The following KHDRBS2 variants were observed in gnomAD, a reference collection of about 807,000 sequenced individuals.
The protein encoded by KHDRBS2 is KH RNA binding domain containing, signal transduction associated 2.
KHDRBS2 carries 26 observed loss-of-function variants against 44.3 expected under a neutral mutation model. The ratio of observed to expected loss-of-function variants is 0.59; its 90% confidence interval spans 0.43 to 0.81. KHDRBS2 has a LOEUF of 0.81. Ranked by LOEUF, KHDRBS2 falls within the 40% of genes least tolerant of loss-of-function variation. KHDRBS2 has a pLI of 0.00. For missense variants in KHDRBS2, 476 were observed against 433.1 expected (o/e 1.10, Z -0.88); for synonymous variants, 194 against 151.1 (o/e 1.28, Z -2.08).
chr6:61,842,599 G>A lies in KHDRBS2; in HGVS notation c.810+52036C>T, dbSNP rs142325552. ...ATCAGATAGACAATAACAAGTGCTG[G>A]CAAGGATATGGAGTAATTGGAACCC... On this transcript the variant is annotated intron_variant, in intron 6 of 8. Coordinates refer to ENST00000281156, the MANE Select transcript of KHDRBS2 (RefSeq NM_152688.4). Among the ~76,000 whole-genome samples, 26 of 152,200 alleles carry A rather than the reference G, an allele frequency of 1.7e-4. No individual in the cohort carries two copies. In the East Asian group the frequency reaches 2.3e-3, roughly 14 times the overall value.
chr6:62,040,057 T>C (rs1330416651), intron 3 of KHDRBS2, among the ~76,000 whole-genome samples: 1 of 152,056 alleles, frequency 6.6e-6, no homozygotes, highest in Non-Finnish European at 1.5e-5. Context: ...TCATAAAACG[T>C]CTCTACCAAG....
At chr6:62,141,890 G>A (rs1812895190) in intron 2 of KHDRBS2, among the ~76,000 whole-genome samples, 1 of 152,046 alleles carries the variant, frequency 6.6e-6, no homozygotes, top group South Asian at 2.1e-4. Context: ...ATTATCTTGT[G>A]TGATTTTCCT....
At chr6:61,722,730 G>A (rs1266936164) in intron 7 of KHDRBS2, among the ~76,000 whole-genome samples, 1 of 147,518 alleles carries the variant, frequency 6.8e-6, no homozygotes, top group Non-Finnish European at 1.5e-5. Context: ...TTTTTTTTTA[G>A]ATGGAGTCTC....
intron 2 of KHDRBS2, among the ~76,000 whole-genome samples, chr6:62,099,094 T>C (rs1340388820): frequency 1.6e-4 from 24 of 152,200 alleles, no homozygotes; most frequent in Admixed American, 1.5e-3. Flanking sequence ...CTATTTTAAA[T>C]TATCCGTTTC....
At chr6:62,019,714 A>G (rs1423748177) in intron 3 of KHDRBS2, among the ~76,000 whole-genome samples, 2 of 152,092 alleles carry the variant, frequency 1.3e-5, no homozygotes, top group Non-Finnish European at 2.9e-5. Context: ...TGTAGAAGGT[A>G]CTGACATAAA....
At chr6:61,783,308 C>T (rs1783301164) in intron 6 of KHDRBS2, among the ~76,000 whole-genome samples, 1 of 152,036 alleles carries the variant, frequency 6.6e-6, no homozygotes, top group Admixed American at 6.6e-5. Context: ...CATCTTTACT[C>T]ATCCTTTAAG....
intron 6 of KHDRBS2, among the ~76,000 whole-genome samples, chr6:61,844,177 A>G (rs1225951369): frequency 1.3e-5 from 2 of 152,170 alleles, no homozygotes; most frequent in Non-Finnish European, 2.9e-5. Flanking sequence ...TCAAATTACC[A>G]TATTTCTCAA....
chr6:61,756,917 A>G (rs1377999886), intron 6 of KHDRBS2, among the ~76,000 whole-genome samples: 3 of 152,292 alleles, frequency 2.0e-5, no homozygotes, highest in African/African-American at 7.2e-5. Flanking sequence ...CTGCTTTGCT[A>G]CTACAGATTA....
At chr6:61,588,554 G>A in the KHDRBS2 span, among the ~76,000 whole-genome samples, 62 of 152,106 alleles carry the variant, frequency 4.1e-4, no homozygotes, top group Non-Finnish European at 7.1e-4. Context: ...AGGCTGAGGT[G>A]GGAGGGTTGT....
At chr6:61,549,230 T>C in the KHDRBS2 span, among the ~76,000 whole-genome samples, 12 of 152,064 alleles carry the variant, frequency 7.9e-5, no homozygotes. Context: ...AAATAACAAA[T>C]GGATCAATCT....
chr6:62,165,823 T>C (rs1818567839), intron 2 of KHDRBS2, among the ~76,000 whole-genome samples: 1 of 152,004 alleles, frequency 6.6e-6, no homozygotes, highest in Non-Finnish European at 1.5e-5. Flanking sequence ...TGCATGTCAC[T>C]ATACCTAGCC....
chr6:61,663,646 C>G, the KHDRBS2 span, among the ~76,000 whole-genome samples: 1 of 149,160 alleles, frequency 6.7e-6, no homozygotes. Context: ...TCCTTAATGG[C>G]ACGTGTATCA....
At chr6:61,567,576 G>A in the KHDRBS2 span, among the ~76,000 whole-genome samples, 35 of 152,262 alleles carry the variant, frequency 2.3e-4, no homozygotes, top group Admixed American at 9.8e-4. Flanking sequence ...GGGAGTTTGC[G>A]CCTGCAATGA....
chr6:62,075,606 T>C (rs546840591), intron 2 of KHDRBS2, among the ~76,000 whole-genome samples: 17 of 152,088 alleles, frequency 1.1e-4, no homozygotes, highest in Admixed American at 1.1e-3. Flanking sequence ...TATTTTCCCA[T>C]TCCTGTTCCT....
chr6:61,662,800 T>A, the KHDRBS2 span, among the ~76,000 whole-genome samples: 6 of 151,818 alleles, frequency 4.0e-5, no homozygotes, highest in Non-Finnish European at 7.4e-5. Context: ...ACACTGTTGG[T>A]GGGACTGTAA....
At chr6:62,096,485 C>T (rs931820313) in intron 2 of KHDRBS2, among the ~76,000 whole-genome samples, 6 of 151,828 alleles carry the variant, frequency 4.0e-5, no homozygotes, top group African/African-American at 1.4e-4. Flanking sequence ...TGCATTTCTT[C>T]TAGCTTTTCC....
intron 2 of KHDRBS2, among the ~76,000 whole-genome samples, chr6:62,071,368 G>C (rs894789725): frequency 3.3e-5 from 5 of 152,030 alleles, no homozygotes; most frequent in Non-Finnish European, 2.9e-5. Flanking sequence ...GTCCATTTTG[G>C]CTTTTGTTGC....
chr6:62,245,659 G>T lies in KHDRBS2; in HGVS notation c.91+40199C>A, dbSNP rs1164631497. On this transcript the variant is annotated intron_variant, in intron 1 of 8. Coordinates refer to ENST00000281156, the MANE Select transcript of KHDRBS2 (RefSeq NM_152688.4). ...TTGAAGACAGTTTATAGGAATATGAGTGTCATACAATTTACAGACACATCA... is the reference window on the plus strand; with the variant it reads ...TTGAAGACAGTTTATAGGAATATGATTGTCATACAATTTACAGACACATCA... Among the ~76,000 whole-genome samples, 4 of 152,054 alleles carry T rather than the reference G, an allele frequency of 2.6e-5. No individual in the cohort carries two copies. The East Asian group carries it at 5.8e-4, about 22-fold the overall frequency.
intron 2 of KHDRBS2, among the ~76,000 whole-genome samples, chr6:62,062,999 A>C (rs1174213733): frequency 6.6e-6 from 1 of 151,388 alleles, no homozygotes; most frequent in Admixed American, 6.6e-5. Flanking sequence ...TACTACAAAC[A>C]ACTCTATGCA....
Sources: gnomAD v4.1 joint callset for allele counts (sites outside exome capture counted in the v4.1 genomes callset) on GRCh38, gnomAD v4.1.1 for gene constraint, MANE v1.5 for transcripts, NCBI Gene and HGNC (gene_info 2026-07-23, HGNC 2026-07-21) for gene names.